MED13: variants seen among roughly 807,000 people sequenced by gnomAD.
MED13 encodes mediator of RNA polymerase II transcription subunit 13.
MED13 carries 23 observed loss-of-function variants against 225.2 expected under a neutral mutation model. The ratio of observed to expected loss-of-function variants is 0.10; its 90% CI spans 0.07 to 0.14. The LOEUF (loss-of-function observed/expected upper bound fraction) is 0.14. MED13 is among the 10% of genes least tolerant of loss of function. MED13 has a pLI of 1.00. For synonymous variants in MED13, 942 were observed against 889.2 expected, an observed-to-expected ratio of 1.06 and a Z score of -1.06; for missense variants, 2,197 against 2,594.5, an observed-to-expected ratio of 0.85 and a Z score of 3.33.
Position 61,995,282 on chromosome 17 carries a change from G to A in MED13, c.2051C>T (p.Ala684Val). The A allele has an allele frequency of 6.2e-7, 1 of 1,613,564 alleles. No individual in the cohort carries two copies. Reference protein sequence around the residue: ...QYQIKNQCLSAIASDAEQEPK... With the variant: ...QYQIKNQCLSVIASDAEQEPK... ...TTCTTGTTCTGCATCAGATGCTATT[G>A]CTGAAAGACACTGGTTTTTAATTTG... Residue 684 changes from alanine (A) to valine (V), a missense_variant, in exon 10 of 30, where the codon GCA becomes GTA. Physicochemically the swap from Ala to Val is moderately conservative, Grantham distance 64. Transcript: ENST00000397786.
chr17:62,019,341 AATT>A lies in MED13; in HGVS notation c.1284-8111_1284-8109del, dbSNP rs768949239. Reference sequence around the variant, plus strand: ...TTTTATTCATGTTAATATGCACTGAAATTATTGTTTTTAATAAGTGGTGCTTTA... The same window carrying A: ...TTTTATTCATGTTAATATGCACTGAAATTGTTTTTAATAAGTGGTGCTTTA... On this transcript the variant is annotated intron_variant, in intron 8 of 29. Coordinates refer to ENST00000397786, the MANE Select transcript of MED13 (RefSeq NM_005121.3). Among the ~76,000 whole-genome samples, 9 of 152,306 alleles carry A rather than the reference AATT, an allele frequency of 5.9e-5. No homozygotes were observed. The South Asian group carries it at 1.9e-3, about 32-fold the overall frequency.
intron 11 of MED13, among the ~76,000 whole-genome samples, chr17:61,989,938 T>A (rs1221502562): frequency 6.6e-6 from 1 of 152,240 alleles, no homozygotes; most frequent in Non-Finnish European, 1.5e-5. Flanking sequence ...TTGCTCTGAA[T>A]CTGTAGATCA....
Position 61,946,286 on chromosome 17 carries a change from G to A in MED13, c.*182C>T, listed in dbSNP as rs1429710183. On this transcript the variant is annotated 3_prime_UTR_variant, in exon 30 of 30. Transcript: ENST00000397786. The stretch of plus-strand genomic sequence containing the variant: ...AGTCATCATCCTAAAGAGTTCAATA[G>A]AGTCAATGAAAAATAGCAGGGTTAT... 1 of 628,628 alleles carries A rather than the reference G, an allele frequency of 1.6e-6. No individual in the cohort carries two copies. Among genetic ancestry groups the A allele is most frequent in the South Asian group, 2.3e-5 (1 of 43,682 alleles). 38.9% of individuals were successfully genotyped at this position (628,628 alleles called of 1,614,324 possible).
At chr17:61,966,413 G>A (rs2080058546) in intron 19 of MED13, 49 bp downstream of exon 19, 1 of 1,409,892 alleles carries the variant, frequency 7.1e-7, no homozygotes, top group Non-Finnish European at 9.7e-7. Flanking sequence ...GGTGGAGCAG[G>A]CCACATTTTG....
At chr17:62,039,054 T>TC (rs2143705532) in intron 3 of MED13, among the ~76,000 whole-genome samples, 1 of 152,304 alleles carries the variant, frequency 6.6e-6, no homozygotes, top group Admixed American at 6.5e-5. Flanking sequence ...GGAGTCTTTG[T>TC]AGCAATCCAG....
Position 61,966,210 on chromosome 17 carries a change from C to T in MED13, c.4381+252G>A, listed in dbSNP as rs143369740. ...ATTTATAACCCATAATTTCTTCCTACCTGATGGGATCCCTCATTAGGGATC... is the reference window on the plus strand; with the variant it reads ...ATTTATAACCCATAATTTCTTCCTATCTGATGGGATCCCTCATTAGGGATC... On this transcript the variant is annotated intron_variant, in intron 19 of 29. Transcript: ENST00000397786. Among the ~76,000 whole-genome samples the T allele has an allele frequency of 2.8e-3, 423 of 152,296 alleles. 4 individuals carry two copies. Among genetic ancestry groups the T allele is most frequent in the African/African-American group, 9.1e-3 (379 of 41,566 alleles).
At chr17:61,968,547 C>T (rs1226567919) in intron 17 of MED13, among the ~76,000 whole-genome samples, 2 of 152,126 alleles carry the variant, frequency 1.3e-5, no homozygotes, top group East Asian at 1.9e-4. Flanking sequence ...AGGATGGTCT[C>T]GAGCTCCTGA....
In MED13 at chr17:61,984,273, G is replaced by T; in HGVS notation, c.2786C>A (p.Pro929His). ...PLKTLPSQYLPPIKLPEECIY... is the reference protein window; with the variant it reads ...PLKTLPSQYLHPIKLPEECIY... ...ACACTCTTCTGGCAATTTGATAGGG[G>T]GCAGATATTGGCTTGGTAGAGTTTT... The change falls in exon 15 of 30, where the codon CCC becomes CAC. Residue 929 changes from proline to histidine, a missense_variant. By Grantham distance (77) the Pro-to-His change is moderately conservative. This residue lies in a region of MED13 where 160 missense variants were observed against 184.8 expected (regional missense o/e 0.87). Coordinates refer to ENST00000397786, the MANE Select transcript of MED13 (RefSeq NM_005121.3). 1 of 1,611,212 alleles carries T rather than the reference G, an allele frequency of 6.2e-7. No individual in the cohort carries two copies. Among genetic ancestry groups the T allele is most frequent in the Non-Finnish European group, 8.5e-7 (1 of 1,178,968 alleles).
intron 8 of MED13, among the ~76,000 whole-genome samples, chr17:62,020,733 C>G (rs867838295): frequency 1.3e-3 from 196 of 145,688 alleles, no homozygotes; most frequent in African/African-American, 4.5e-3. Flanking sequence ...GTGTTTCTCG[C>G]AGAGGGGTAT....
intron 9 of MED13, chr17:62,003,873 T>C (rs1386427586): frequency 6.6e-6 from 1 of 152,200 alleles, no homozygotes; most frequent in African/African-American, 2.4e-5. Context: ...CTCATTCTTA[T>C]TCAGTGAGAA....
intron 3 of MED13, among the ~76,000 whole-genome samples, chr17:62,045,893 A>G (rs1213665175): frequency 6.6e-6 from 1 of 152,184 alleles, no homozygotes; most frequent in Non-Finnish European, 1.5e-5. Flanking sequence ...ACTGTTAAAC[A>G]CACAACTACA....
chr17:62,038,988 T>C (rs903887687), intron 3 of MED13, among the ~76,000 whole-genome samples: 6 of 152,174 alleles, frequency 3.9e-5, no homozygotes, highest in Non-Finnish European at 8.8e-5. Flanking sequence ...ATTTTATCTG[T>C]TAAATAAGAA....
At chr17:62,025,020 T>C (rs764912915) in intron 8 of MED13, among the ~76,000 whole-genome samples, 2 of 152,250 alleles carry the variant, frequency 1.3e-5, no homozygotes, top group Non-Finnish European at 2.9e-5. Context: ...TATGACAGAA[T>C]GTTTTATATT....
chr17:61,961,924 T>A, intron 21 of MED13, 145 bp from the exon 22 acceptor site: 1 of 792,700 alleles, frequency 1.3e-6, no homozygotes, highest in Non-Finnish European at 2.0e-6. Flanking sequence ...TTTTCTTATC[T>A]ATTATGTAGG....
In MED13 at chr17:61,944,358, C is replaced by T. The variant is rs900920136; in HGVS notation, c.*2110G>A. 3.3e-5 allele frequency: 5 copies of T among 149,572 alleles called. No individual in the cohort carries two copies. Among genetic ancestry groups the T allele is most frequent in the African/African-American group, 1.2e-4 (5 of 40,742 alleles). The allele number at this position is 149,572 out of a possible 1,614,324, so 9.3% of individuals were successfully genotyped here. A position where few individuals can be genotyped will look rare whatever the true frequency, so the allele number is the denominator to read the frequency against. On this transcript the variant is annotated 3_prime_UTR_variant, in exon 30 of 30. Transcript: ENST00000397786. ...AATTCCAAATAAGCACATTTTCCTT[C>T]AAATCTCAGACAAGTTTTTTTTTTT...
chr17:61,960,126 C>G (rs1479300366), intron 23 of MED13, among the ~76,000 whole-genome samples: 1 of 152,108 alleles, frequency 6.6e-6, no homozygotes, highest in Non-Finnish European at 1.5e-5. Context: ...CAAGTCTCTA[C>G]TAAAGGCTTG....
chr17:61,985,125 T>A (rs1311326957), intron 12 of MED13, 35 bp from the exon 13 acceptor site: 1 of 1,535,534 alleles, frequency 6.5e-7, no homozygotes, highest in Non-Finnish European at 9.0e-7. Flanking sequence ...TCTAAAATTT[T>A]ACATCCAATG....
At chr17:61,975,239 T>A (rs994050086) in intron 16 of MED13, among the ~76,000 whole-genome samples, 5 of 151,698 alleles carry the variant, frequency 3.3e-5, no homozygotes, top group African/African-American at 1.2e-4. Context: ...CCAAGATATA[T>A]AAAGAACTCA....
In MED13 at chr17:61,962,620, T is replaced by C. The variant is rs898443959; in HGVS notation, c.5064+132A>G. 20 of 647,546 alleles carry C rather than the reference T, an allele frequency of 3.1e-5. No homozygotes were observed. In the East Asian group the frequency reaches 4.7e-4, roughly 15 times the overall value. The allele number at this position is 647,546 out of a possible 1,614,324, so 40.1% of individuals were successfully genotyped here. ...ATTCTCTAAGATTTATATTATGATA[T>C]TAAAGTAAAATCAATATAATAGAAC... On this transcript the variant is annotated intron_variant, in intron 21 of 29. Coordinates refer to ENST00000397786, the MANE Select transcript of MED13 (RefSeq NM_005121.3).
Sources: gnomAD v4.1 joint callset for allele counts (sites outside exome capture counted in the v4.1 genomes callset) on GRCh38, gnomAD v4.1.1 for gene constraint, gnomAD v4.1.1 regional missense constraint, MANE v1.5 for transcripts, NCBI Gene and HGNC (gene_info 2026-07-23, HGNC 2026-07-21) for gene names.